Variants in MAP2 observed in about 807,000 individuals in gnomAD.
The protein encoded by MAP2 is microtubule-associated protein 2.
MAP2 carries 14 observed loss-of-function variants against 137.6 expected under a neutral mutation model. That is an observed-to-expected ratio of 0.10 (90% CI 0.07 to 0.16). The LOEUF (loss-of-function observed/expected upper bound fraction) is 0.16, where lower values mean the gene tolerates loss of function less well. MAP2 is among the 10% of genes least tolerant of loss of function. The probability of loss-of-function intolerance (pLI) is 1.00; values close to 1 mark genes in which losing one functional copy is unlikely to be tolerated. For synonymous variants in MAP2, 786 were observed against 782.3 expected, an observed-to-expected ratio of 1.00 and a Z score of -0.08; for missense variants, 2,088 against 2,191.5, an observed-to-expected ratio of 0.95 and a Z score of 0.94.
At chr2:209,544,394 T>G (rs576800499) in intron 2 of MAP2, among the ~76,000 whole-genome samples, 1 of 152,320 alleles carries the variant, frequency 6.6e-6, no homozygotes, top group African/African-American at 2.4e-5. Flanking sequence ...GGAAGGAATC[T>G]TCACTTTGAC....
At chr2:209,601,251 G>A (rs1014104020) in intron 3 of MAP2, among the ~76,000 whole-genome samples, 9 of 151,614 alleles carry the variant, frequency 5.9e-5, no homozygotes, top group African/African-American at 1.2e-4. Flanking sequence ...ATGGTTATGC[G>A]TAGTCAATCC....
intron 7 of MAP2, among the ~76,000 whole-genome samples, chr2:209,685,848 CA>C (rs1379003701): frequency 6.6e-6 from 1 of 152,082 alleles, no homozygotes; most frequent in Non-Finnish European, 1.5e-5. Flanking sequence ...CCAGAATCTG[CA>C]AAAGGTTAAA....
chr2:209,637,237 A>G (rs1381963319), intron 4 of MAP2, among the ~76,000 whole-genome samples: 1 of 152,086 alleles, frequency 6.6e-6, no homozygotes, highest in Non-Finnish European at 1.5e-5. Context: ...GAGGTCAGGA[A>G]TTCAAGACCA....
In MAP2 at chr2:209,703,962, G is replaced by T. The variant is rs1271303734; in HGVS notation, c.4585-1618G>T. ...ATTTTTGTGTTTTATTTGTATAACA[G>T]ATTTTTTATTTTATTTTTAATCAGG... is the stretch of plus-strand genomic sequence containing the variant. On this transcript the variant is annotated intron_variant, in intron 11 of 15. Transcript: ENST00000682079. 1.3e-5 allele frequency: 6 copies of T among 455,414 alleles called. No individual in the cohort carries two copies. In the Admixed American group the frequency reaches 1.4e-4, roughly 11 times the overall value. 28.2% of individuals were successfully genotyped at this position (455,414 alleles called of 1,614,324 possible).
At chr2:209,452,750 A>G (rs1700604059) in intron 1 of MAP2, among the ~76,000 whole-genome samples, 1 of 152,150 alleles carries the variant, frequency 6.6e-6, no homozygotes. Flanking sequence ...GTACCAGCCA[A>G]CGGTTCTTTA....
intron 1 of MAP2, among the ~76,000 whole-genome samples, chr2:209,446,966 G>A (rs1464240273): frequency 6.6e-6 from 1 of 151,908 alleles, no homozygotes; most frequent in Non-Finnish European, 1.5e-5. Context: ...CCTAGGTAAT[G>A]TAGGTACTTC....
At chr2:209,524,117 C>G (rs991795172) in intron 2 of MAP2, among the ~76,000 whole-genome samples, 2 of 152,000 alleles carry the variant, frequency 1.3e-5, no homozygotes, top group Non-Finnish European at 2.9e-5. Context: ...TGTTGTTTCA[C>G]AGCTTATTTT....
intron 3 of MAP2, among the ~76,000 whole-genome samples, chr2:209,621,257 A>ATTTTTTTTTT (rs1186032597): frequency 0.02 from 2,504 of 124,932 alleles, 116 homozygotes; most frequent in South Asian, 0.11. Flanking sequence ...AGGCATCTTG[A>ATTTTTTTTTT]TTTTTTTTTT....
At chr2:209,584,762 T>G (rs1489906456) in intron 3 of MAP2, among the ~76,000 whole-genome samples, 1 of 151,578 alleles carries the variant, frequency 6.6e-6, no homozygotes, top group East Asian at 1.9e-4. Flanking sequence ...GAAAAAGAGG[T>G]CATGATAATG....
rs111483636 is a variant in MAP2 at position 209,641,520 on chromosome 2, T to C, written c.-29-11622T>C. ...GGCTCCATAGTTAGTTACATACTTA[T>C]GAAACTAACACTCTGGTTTAGCATC... is the stretch of plus-strand genomic sequence containing the variant. On this transcript the variant is annotated intron_variant, in intron 4 of 15. Coordinates refer to ENST00000682079, the MANE Select transcript of MAP2 (RefSeq NM_001375505.1). 2.1e-3 allele frequency among the ~76,000 whole-genome samples: 318 copies of C among 151,858 alleles called. 3 individuals are homozygous for C. Among genetic ancestry groups the C allele is most frequent in the African/African-American group, 6.7e-3 (279 of 41,388 alleles).
At chr2:209,639,691 A>G (rs1228373345) in intron 4 of MAP2, among the ~76,000 whole-genome samples, 1 of 151,988 alleles carries the variant, frequency 6.6e-6, no homozygotes, top group African/African-American at 2.4e-5. Flanking sequence ...TTGCCTGGCC[A>G]TCGACCTCAT....
chr2:209,456,208 A>T (rs1299954736), intron 1 of MAP2, among the ~76,000 whole-genome samples: 4 of 152,156 alleles, frequency 2.6e-5, no homozygotes, highest in African/African-American at 9.7e-5. Flanking sequence ...ATCGGAAAGG[A>T]TTTATAAGAT....
chr2:209,590,414 C>T (rs2078944701), intron 3 of MAP2, among the ~76,000 whole-genome samples: 1 of 152,170 alleles, frequency 6.6e-6, no homozygotes, highest in Non-Finnish European at 1.5e-5. Flanking sequence ...CGGCTCACCG[C>T]AACCTCTGCC....
chr2:209,543,500 G>C (rs2067417219), intron 2 of MAP2, among the ~76,000 whole-genome samples: 1 of 152,176 alleles, frequency 6.6e-6, no homozygotes. Context: ...GATGTATGAA[G>C]TGCAGTAAAG....
intron 2 of MAP2, among the ~76,000 whole-genome samples, chr2:209,543,625 C>G (rs1169673397): frequency 6.6e-6 from 1 of 152,184 alleles, no homozygotes; most frequent in Non-Finnish European, 1.5e-5. Flanking sequence ...TGTCTTAAAC[C>G]AACATGTTGG....
chr2:209,543,054 C>G (rs1391555782), intron 2 of MAP2, among the ~76,000 whole-genome samples: 1 of 152,110 alleles, frequency 6.6e-6, no homozygotes, highest in Non-Finnish European at 1.5e-5. Context: ...TTAGTCATTC[C>G]TAGTTTTTTA....
chr2:209,676,524 C>T (rs1553648981), intron 5 of MAP2, among the ~76,000 whole-genome samples: 2 of 151,346 alleles, frequency 1.3e-5, no homozygotes, highest in African/African-American at 4.9e-5. Context: ...TGCACATGTA[C>T]CCCTGAACTT....
chr2:209,676,803 C>T (rs1458980007), intron 5 of MAP2, among the ~76,000 whole-genome samples: 3 of 140,416 alleles, frequency 2.1e-5, no homozygotes, highest in Non-Finnish European at 4.6e-5. Context: ...TGTTCCACCT[C>T]TTTATTACAC....
At chr2:209,701,234 A>G (rs2061678206) in intron 11 of MAP2, among the ~76,000 whole-genome samples, 1 of 151,898 alleles carries the variant, frequency 6.6e-6, no homozygotes, top group South Asian at 2.1e-4. Flanking sequence ...TACATATTTT[A>G]TATTGTTGTT....
Sources: allele counts gnomAD v4.1 joint callset (sites outside exome capture counted in the v4.1 genomes callset), GRCh38; gene constraint gnomAD v4.1.1; transcripts MANE v1.5; gene names NCBI Gene and HGNC (gene_info 2026-07-23, HGNC 2026-07-21).